Variants in RIC8B observed in about 807,000 individuals in gnomAD.
The protein encoded by RIC8B is RIC8 guanine nucleotide exchange factor B.
Under a neutral mutation model 57.5 loss-of-function variants are expected in RIC8B, and 16 were observed. The ratio of observed to expected loss-of-function variants is 0.28; its 90% CI spans 0.19 to 0.42. RIC8B has a LOEUF of 0.42. RIC8B is among the 10% of genes least tolerant of loss of function. The pLI is 1.00. For synonymous variants in RIC8B, 216 were observed against 250.8 expected (o/e 0.86, Z 1.31); for missense variants, 481 against 677.0 (o/e 0.71, Z 3.21).
intron 7 of RIC8B, among the ~76,000 whole-genome samples, chr12:106,854,410 G>A (rs1450358371): frequency 6.6e-6 from 1 of 152,096 alleles, no homozygotes; most frequent in African/African-American, 2.4e-5. Context: ...GAAAGTGAAG[G>A]CACCTTGATC....
At chr12:106,841,377 A>C (rs1055503090) in intron 4 of RIC8B, among the ~76,000 whole-genome samples, 1 of 152,224 alleles carries the variant, frequency 6.6e-6, no homozygotes, top group Non-Finnish European at 1.5e-5. Flanking sequence ...ATAATATAAA[A>C]AGAAAGGAAA....
At chr12:106,847,262 C>T (rs1203487727) in intron 6 of RIC8B, among the ~76,000 whole-genome samples, 2 of 152,042 alleles carry the variant, frequency 1.3e-5, no homozygotes, top group East Asian at 1.9e-4. Flanking sequence ...AATACATAGG[C>T]AGTTTGGGAG....
intron 2 of RIC8B, among the ~76,000 whole-genome samples, chr12:106,805,925 C>G (rs993319510): frequency 1.3e-5 from 2 of 152,070 alleles, no homozygotes; most frequent in Admixed American, 6.5e-5. Context: ...AGTTACTCTT[C>G]AGAAACTGTT....
chr12:106,814,011 A>C (rs1372283179), intron 2 of RIC8B, among the ~76,000 whole-genome samples: 1 of 152,216 alleles, frequency 6.6e-6, no homozygotes, highest in Non-Finnish European at 1.5e-5. Flanking sequence ...TTGGAACCAG[A>C]ACTACTACAT....
chr12:106,870,760 C>T, intron 8 of RIC8B, 63 bp from the exon 9 acceptor site: 1 of 1,311,402 alleles, frequency 7.6e-7, no homozygotes, highest in Non-Finnish European at 1.0e-6. Context: ...AAAGTTGGAC[C>T]AGAAAAGTAT....
chr12:106,823,780 G>A (rs1056549433), intron 3 of RIC8B, among the ~76,000 whole-genome samples: 2 of 151,884 alleles, frequency 1.3e-5, no homozygotes, highest in African/African-American at 4.8e-5. Context: ...CGCCTCCTGG[G>A]TTCAAGCAAT....
rs1300225477 is a variant in RIC8B, at chr12:106,815,095, A to T, written c.532A>T (p.Ile178Phe). ...CCTTCTGTCACTTTTGCACACCGAC[A>T]TCAGGTCACAATTGCGCTATGAGCT... Reference protein sequence around the residue: ...LFLLSLLHTDIRSQLRYELQG... With the variant: ...LFLLSLLHTDFRSQLRYELQG... Residue 178 changes from isoleucine (I) to phenylalanine (F), a missense_variant, in exon 3 of 10, where the codon ATC (isoleucine) becomes TTC (phenylalanine). Coordinates refer to ENST00000392837, the MANE Select transcript of RIC8B (RefSeq NM_001330145.2). 6.2e-7 allele frequency: 1 copy of T among 1,614,254 alleles called. No individual in the cohort carries two copies. The highest frequency in any genetic ancestry group is 8.5e-7 in the Non-Finnish European group (1 of 1,180,048).
intron 2 of RIC8B, among the ~76,000 whole-genome samples, chr12:106,793,079 T>C (rs1324828341): frequency 2.0e-5 from 3 of 152,172 alleles, no homozygotes; most frequent in Admixed American, 2.0e-4. Flanking sequence ...CATTCTGCCC[T>C]TCCTCATGGG....
intron 2 of RIC8B, chr12:106,797,845 T>A: frequency 2.2e-6 from 1 of 452,064 alleles, no homozygotes; most frequent in Non-Finnish European, 3.9e-6. Context: ...AATAAAGAAG[T>A]TGGAGGCCAT....
At chr12:106,868,910 A>C (rs368902301) in intron 8 of RIC8B, among the ~76,000 whole-genome samples, 2 of 144,982 alleles carry the variant, frequency 1.4e-5, no homozygotes, top group African/African-American at 2.6e-5. Context: ...GCTTTTTTCA[A>C]AGTTTCTCAA....
chr12:106,810,380 C>T (rs1355873684), intron 2 of RIC8B, among the ~76,000 whole-genome samples: 2 of 151,734 alleles, frequency 1.3e-5, no homozygotes, highest in African/African-American at 4.8e-5. Flanking sequence ...CACTACAATA[C>T]GTTTTCTTCG....
rs1048828657 is a variant in RIC8B at position 106,874,331 on chromosome 12, G to A, written c.1571+3389G>A. On this transcript the variant is annotated intron_variant, in intron 9 of 9. Transcript: ENST00000392837. ...ACCAAGTCGTTATTGTGCTAAGAGT[G>A]TACCATAGCTTTGTCTGATTAACTT... 10 of 656,028 alleles carry A rather than the reference G, an allele frequency of 1.5e-5. No homozygotes were observed. The African/African-American group carries it at 1.8e-4, about 12-fold the overall frequency. The allele number at this position is 656,028 out of a possible 1,614,324, so 40.6% of individuals were successfully genotyped here.
At chr12:106,810,651 G>C (rs1278364346) in intron 2 of RIC8B, among the ~76,000 whole-genome samples, 1 of 152,022 alleles carries the variant, frequency 6.6e-6, no homozygotes, top group Non-Finnish European at 1.5e-5. Flanking sequence ...GAGGGAGGCT[G>C]TAAAAAAGCA....
At chr12:106,885,369 G>T (rs960841500) in intron 9 of RIC8B, among the ~76,000 whole-genome samples, 5 of 152,082 alleles carry the variant, frequency 3.3e-5, no homozygotes, top group Admixed American at 2.6e-4. Flanking sequence ...GAAAAGTCGG[G>T]GAGAGAGTTG....
chr12:106,804,245 C>T (rs2044892466), intron 2 of RIC8B, among the ~76,000 whole-genome samples: 1 of 145,630 alleles, frequency 6.9e-6, no homozygotes, highest in Non-Finnish European at 1.5e-5. Context: ...GACAGAGTCT[C>T]GCTCTGTCGC....
chr12:106,857,586 A>G (rs1949760876), intron 7 of RIC8B, among the ~76,000 whole-genome samples: 2 of 152,188 alleles, frequency 1.3e-5, no homozygotes, highest in Non-Finnish European at 2.9e-5. Context: ...CAGCATTTTC[A>G]TATAACTGCA....
In RIC8B at chr12:106,807,552, C is replaced by T. The variant is rs188653428; in HGVS notation, c.133-7144C>T. 1.8e-3 allele frequency among the ~76,000 whole-genome samples: 280 copies of T among 152,302 alleles called. 1 individual carries two copies. Among genetic ancestry groups the T allele is most frequent in the African/African-American group, 5.9e-3 (246 of 41,568 alleles). ...AGCCAGACCTGGAAATGGCATAGAT[C>T]GTGTCTATACACTTTCATTCTAGTG... is the stretch of plus-strand genomic sequence containing the variant. On this transcript the variant is annotated intron_variant, in intron 2 of 9. Transcript: ENST00000392837.
intron 4 of RIC8B, 66 bp downstream of exon 4, chr12:106,825,886 T>C (rs2046075777): frequency 9.6e-7 from 1 of 1,041,428 alleles, no homozygotes; most frequent in Non-Finnish European, 1.5e-6. Flanking sequence ...TTTATGCATC[T>C]AATTTCAATT....
intron 8 of RIC8B, among the ~76,000 whole-genome samples, chr12:106,861,848 G>GT (rs1949952045): frequency 6.6e-6 from 1 of 151,672 alleles, no homozygotes; most frequent in African/African-American, 2.4e-5. Flanking sequence ...TACATCCCAG[G>GT]GTGTGTGGAC....
Sources: gnomAD v4.1 joint callset for allele counts (sites outside exome capture counted in the v4.1 genomes callset) on GRCh38, gnomAD v4.1.1 for gene constraint, MANE v1.5 for transcripts, NCBI Gene and HGNC (gene_info 2026-07-23, HGNC 2026-07-21) for gene names.